Variants in TRIO observed in about 807,000 individuals in gnomAD.
TRIO encodes the protein trio Rho guanine nucleotide exchange factor, also known as triple functional domain protein.
In TRIO, 58 loss-of-function variants were observed where a neutral mutation model predicts 351.9. That is an observed-to-expected ratio of 0.16 (90% CI 0.13 to 0.21). The LOEUF is 0.21. Among genes scored for constraint, TRIO ranks in the 10% least tolerant of loss-of-function variants. The pLI is 1.00. For missense variants in TRIO, 3,201 were observed against 4,027.8 expected, an observed-to-expected ratio of 0.79 and a Z score of 5.56; for synonymous variants, 1,758 against 1,595.7, an observed-to-expected ratio of 1.10 and a Z score of -2.42.
chr5:14,485,254 G>A lies in TRIO; in HGVS notation c.6835+8G>A, dbSNP rs903102904. ...AGCGCAATTTTTTAAATGGTAATGT[G>A]TGTTCTGTTACTAGATGTGTGCTTT... On this transcript the variant is annotated splice_region_variant and intron_variant, in intron 47 of 56. Transcript: ENST00000344204. 1 of 1,572,572 alleles carries A rather than the reference G, an allele frequency of 6.4e-7. No individual in the cohort carries two copies. The highest frequency in any genetic ancestry group is 8.7e-7 in the Non-Finnish European group (1 of 1,151,374).
chr5:14,409,784 A>G (rs906111871), intron 33 of TRIO, among the ~76,000 whole-genome samples: 2 of 150,396 alleles, frequency 1.3e-5, no homozygotes, highest in East Asian at 2.0e-4. Context: ...GCAGTGAGCC[A>G]AGATCAGGCC....
chr5:14,359,205 G>T (rs1743905013), intron 12 of TRIO, 152 bp from the exon 13 acceptor site: 2 of 833,788 alleles, frequency 2.4e-6, no homozygotes, highest in Admixed American at 5.8e-5. Context: ...GCCTAATATT[G>T]TTTTGCAGGA....
intron 12 of TRIO, 48 bp from the exon 13 acceptor site, chr5:14,359,309 A>G (rs776635185): frequency 3.5e-5 from 55 of 1,586,182 alleles, no homozygotes; most frequent in Middle Eastern, 1.7e-4. Flanking sequence ...GTATCTAACA[A>G]TGTGTGACTT....
At chr5:14,259,061 C>T (rs1308645162) in intron 1 of TRIO, among the ~76,000 whole-genome samples, 1 of 152,152 alleles carries the variant, frequency 6.6e-6, no homozygotes, top group Non-Finnish European at 1.5e-5. Context: ...AGCTCACTTG[C>T]GTCTCCAAGC....
At chr5:14,428,942 A>C (rs1380026731) in intron 34 of TRIO, among the ~76,000 whole-genome samples, 2 of 151,984 alleles carry the variant, frequency 1.3e-5, no homozygotes, top group Non-Finnish European at 2.9e-5. Flanking sequence ...CCTGCCTCTC[A>C]CTCTCTGGAG....
At chr5:14,216,252 T>TG (rs1301983674) in intron 1 of TRIO, among the ~76,000 whole-genome samples, 1 of 152,198 alleles carries the variant, frequency 6.6e-6, no homozygotes, top group Non-Finnish European at 1.5e-5. Context: ...GATCTGGAAA[T>TG]GCTGCAGATT....
intron 48 of TRIO, among the ~76,000 whole-genome samples, chr5:14,489,798 C>G (rs1193780135): frequency 6.6e-6 from 1 of 152,176 alleles, no homozygotes. Flanking sequence ...GCAAGTGGCA[C>G]GTGTTCCCGC....
chr5:14,381,018 C>G, intron 20 of TRIO, 112 bp from the exon 21 acceptor site: 1 of 1,377,638 alleles, frequency 7.3e-7, no homozygotes. Flanking sequence ...GAATGCTTCT[C>G]GATGCTGCCA....
At chr5:14,350,119 G>T (rs542690979) in intron 11 of TRIO, among the ~76,000 whole-genome samples, 1 of 152,186 alleles carries the variant, frequency 6.6e-6, no homozygotes, top group Non-Finnish European at 1.5e-5. Context: ...GAGTGAGCTT[G>T]TGTCAAAGGA....
Position 14,507,761 on chromosome 5 carries a change from A to G in TRIO, c.8752-119A>G, listed in dbSNP as rs939951098. Reference sequence around the variant, plus strand: ...GTGGTCCGGCCTGCTTTGCACATGCATGGCTTGTCCTAGTTGACATCCTAG... The same window carrying G: ...GTGGTCCGGCCTGCTTTGCACATGCGTGGCTTGTCCTAGTTGACATCCTAG... On this transcript the variant is annotated intron_variant, in intron 56 of 56. Coordinates refer to ENST00000344204, the MANE Select transcript of TRIO (RefSeq NM_007118.4). 3.0e-5 allele frequency: 39 copies of G among 1,297,200 alleles called. No homozygotes were observed. The African/African-American group carries it at 4.4e-4, about 15-fold the overall frequency. 80.4% of individuals were successfully genotyped at this position (1,297,200 alleles called of 1,614,324 possible).
chr5:14,381,430 T>C (rs926248415), intron 21 of TRIO, among the ~76,000 whole-genome samples, 178 bp downstream of exon 21: 1 of 152,220 alleles, frequency 6.6e-6, no homozygotes, highest in Non-Finnish European at 1.5e-5. Flanking sequence ...CTCCACCTCC[T>C]CCCTTCATCT....
chr5:14,192,878 T>G (rs1790541022), intron 1 of TRIO, among the ~76,000 whole-genome samples: 2 of 152,266 alleles, frequency 1.3e-5, no homozygotes, highest in African/African-American at 4.8e-5. Context: ...TGGAAATGAT[T>G]ACTTTGCAAG....
chr5:14,451,724 T>A (rs1752862549), intron 34 of TRIO, among the ~76,000 whole-genome samples: 1 of 152,258 alleles, frequency 6.6e-6, no homozygotes, highest in African/African-American at 2.4e-5. Flanking sequence ...TTAGCTTTCA[T>A]CAGCACATAG....
rs1288541636 is a variant in TRIO, at chr5:14,235,639, G to A, written c.158-35186G>A. 4.0e-5 allele frequency among the ~76,000 whole-genome samples: 6 copies of A among 151,786 alleles called. No individual in the cohort carries two copies. In the East Asian group the frequency reaches 9.6e-4, roughly 24 times the overall value. On this transcript the variant is annotated intron_variant, in intron 1 of 56. Coordinates refer to ENST00000344204, the MANE Select transcript of TRIO (RefSeq NM_007118.4). ...ATTTTGGTTGTTCTGCTAGGTCTGC[G>A]GTGGTTGAATTGGACACAGAATGGA... is the stretch of plus-strand genomic sequence containing the variant.
Position 14,359,540 on chromosome 5 carries a change from C to G in TRIO, c.2391+9C>G. 1 of 1,611,138 alleles carries G rather than the reference C, an allele frequency of 6.2e-7. No individual in the cohort carries two copies. The highest frequency in any genetic ancestry group is 8.5e-7 in the Non-Finnish European group (1 of 1,177,796). Reference sequence around the variant, plus strand: ...AGAGGGACGCCATCGACGTGAGTGTCCCGCGGCTGGCGCCTGCCTGCCTGT... The same window carrying G: ...AGAGGGACGCCATCGACGTGAGTGTGCCGCGGCTGGCGCCTGCCTGCCTGT... On this transcript the variant is annotated intron_variant, in intron 13 of 56. Transcript: ENST00000344204.
intron 30 of TRIO, 53 bp from the exon 31 acceptor site, chr5:14,400,910 C>T: frequency 6.4e-7 from 1 of 1,555,486 alleles, no homozygotes; most frequent in Non-Finnish European, 8.8e-7. Context: ...CTCTGTTCTG[C>T]ATCCTTCTAG....
chr5:14,467,457 A>G (rs1754348805), intron 37 of TRIO, among the ~76,000 whole-genome samples: 1 of 152,126 alleles, frequency 6.6e-6, no homozygotes, highest in African/African-American at 2.4e-5. Context: ...GACCCAGTGA[A>G]CTTTGAACAG....
At chr5:14,270,798 A>G in intron 1 of TRIO, 27 bp from the exon 2 acceptor site, 3 of 1,599,610 alleles carry the variant, frequency 1.9e-6, no homozygotes, top group Non-Finnish European at 2.6e-6. Flanking sequence ...CAACCCAGTA[A>G]TTTTATTTTC....
intron 1 of TRIO, among the ~76,000 whole-genome samples, chr5:14,232,574 A>G (rs1793510335): frequency 6.6e-6 from 1 of 152,242 alleles, no homozygotes; most frequent in East Asian, 1.9e-4. Flanking sequence ...TGGTGGATGT[A>G]CATATTTATT....
Sources: allele counts gnomAD v4.1 joint callset (sites outside exome capture counted in the v4.1 genomes callset), GRCh38; gene constraint gnomAD v4.1.1; transcripts MANE v1.5; gene names NCBI Gene and HGNC (gene_info 2026-07-23, HGNC 2026-07-21).